The following PCDH15 variants were observed in gnomAD, a reference collection of about 807,000 sequenced individuals.
PCDH15 encodes protocadherin related 15, also known as protocadherin-15.
PCDH15 carries 129 observed loss-of-function variants against 178.5 expected under a neutral mutation model. The ratio of observed to expected loss-of-function variants is 0.72; its 90% CI spans 0.63 to 0.84. The LOEUF is 0.84. Among genes scored for constraint, PCDH15 ranks in the 40% least tolerant of loss-of-function variants. The pLI is 0.00. For missense variants in PCDH15, 2,230 were observed against 2,099.9 expected (o/e 1.06, Z -1.21); for synonymous variants, 800 against 732.0 (o/e 1.09, Z -1.50).
intron 6 of PCDH15, 39 bp from the exon 7 acceptor site, chr10:54,329,745 T>C (rs750748018): frequency 7.8e-7 from 1 of 1,283,864 alleles, no homozygotes; most frequent in African/African-American, 1.5e-5. Context: ...ATTATTTGAA[T>C]GTAAGATGAA....
chr10:54,271,208 T>TTTTG (rs151089406), intron 8 of PCDH15, among the ~76,000 whole-genome samples: 8,465 of 151,990 alleles, frequency 0.056, 426 homozygotes, highest in African/African-American at 0.13. Context: ...TGTTCTTACA[T>TTTTG]TTTGTTTGTT....
chr10:55,177,569 G>A (rs1352722962), intron 1 of PCDH15, among the ~76,000 whole-genome samples: 1 of 152,202 alleles, frequency 6.6e-6, no homozygotes, highest in African/African-American at 2.4e-5. Flanking sequence ...AGGCTACTAA[G>A]TTAACGATGG....
chr10:53,903,704 T>A (rs967266438), intron 25 of PCDH15, among the ~76,000 whole-genome samples: 2 of 152,188 alleles, frequency 1.3e-5, no homozygotes, highest in African/African-American at 4.8e-5. Context: ...CAATACCAGT[T>A]ATACCAAAGG....
intron 1 of PCDH15, among the ~76,000 whole-genome samples, chr10:55,299,514 C>T (rs1843216614): frequency 6.6e-6 from 1 of 152,176 alleles, no homozygotes; most frequent in African/African-American, 2.4e-5. Flanking sequence ...CCCTAATATG[C>T]ACATAATTCG....
chr10:54,143,833 T>C (rs1304242267), intron 14 of PCDH15, among the ~76,000 whole-genome samples: 2 of 152,176 alleles, frequency 1.3e-5, no homozygotes, highest in Non-Finnish European at 2.9e-5. Context: ...TCTTAATTCA[T>C]GTGTGTTAGT....
intron 2 of PCDH15, among the ~76,000 whole-genome samples, chr10:55,028,519 G>A (rs147954101): frequency 4.6e-5 from 7 of 151,928 alleles, no homozygotes; most frequent in East Asian, 3.9e-4. Flanking sequence ...ATAACATATC[G>A]TGACTTTATA....
At chr10:54,836,418 C>T (rs1953317613) in intron 3 of PCDH15, among the ~76,000 whole-genome samples, 1 of 152,102 alleles carries the variant, frequency 6.6e-6, no homozygotes, top group African/African-American at 2.4e-5. Context: ...TGTACAGTCT[C>T]CACTGAGCAT....
intron 2 of PCDH15, among the ~76,000 whole-genome samples, chr10:55,363,008 G>C (rs2131980556): frequency 6.6e-6 from 1 of 152,256 alleles, no homozygotes; most frequent in Non-Finnish European, 1.5e-5. Context: ...TTACAAATTT[G>C]GGTTGGGCCA....
intron 18 of PCDH15, among the ~76,000 whole-genome samples, chr10:54,060,877 G>T (rs1590181311): frequency 1.3e-5 from 2 of 152,138 alleles, no homozygotes; most frequent in East Asian, 1.9e-4. Context: ...AGAAGTCCGG[G>T]ATCCCTGTGT....
chr10:53,988,842 G>C (rs987743568), intron 21 of PCDH15, among the ~76,000 whole-genome samples: 8 of 152,122 alleles, frequency 5.3e-5, no homozygotes, highest in African/African-American at 1.9e-4. Flanking sequence ...CCCGAAATAT[G>C]TGAATTATTG....
chr10:54,292,169 A>G (rs2059458528), intron 8 of PCDH15, among the ~76,000 whole-genome samples: 1 of 152,242 alleles, frequency 6.6e-6, no homozygotes, highest in South Asian at 2.1e-4. Flanking sequence ...GGTTCAACAT[A>G]CACAAATAAA....
At chr10:53,814,107 T>C (rs934762469) in intron 35 of PCDH15, among the ~76,000 whole-genome samples, 9 of 152,152 alleles carry the variant, frequency 5.9e-5, no homozygotes, top group African/African-American at 1.9e-4. Context: ...GGAGGTAAGC[T>C]AAGAATTTTA....
chr10:55,007,629 A>G (rs1005468868), intron 2 of PCDH15, among the ~76,000 whole-genome samples: 2 of 152,116 alleles, frequency 1.3e-5, no homozygotes, highest in Non-Finnish European at 2.9e-5. Flanking sequence ...GTTCCTTTAC[A>G]TGTAAAACTC....
intron 2 of PCDH15, among the ~76,000 whole-genome samples, chr10:55,369,436 T>C (rs1408491023): frequency 6.6e-6 from 1 of 151,972 alleles, no homozygotes; most frequent in African/African-American, 2.4e-5. Context: ...TATTAATAAG[T>C]ATAAAAACAA....
chr10:55,405,283 G>GAGATATATATATATATATAT lies in PCDH15; in HGVS notation c.-156+222341_-156+222342insATATATATATATATATATCT, dbSNP rs1838169475. ...TGTGTATATGTAGTGTGAGGTAACA[G>GAGATATATATATATATATAT]ATATATATATATATATATATACAAT... On this transcript the variant is annotated intron_variant, in intron 2 of 5. Coordinates refer to the PCDH15 transcript ENST00000613346. 9.3e-5 allele frequency among the ~76,000 whole-genome samples: 10 copies of GAGATATATATATATATATAT among 108,092 alleles called. No homozygotes were observed. In the South Asian group the frequency reaches 2.9e-3, roughly 32 times the overall value. The allele number at this position is 108,092 out of a possible 152,430, so 70.9% of individuals were successfully genotyped here.
intron 3 of PCDH15, among the ~76,000 whole-genome samples, chr10:54,390,157 A>G (rs1404573177): frequency 6.6e-6 from 1 of 152,200 alleles, no homozygotes; most frequent in African/African-American, 2.4e-5. Context: ...TTCAGGGTGA[A>G]TGCATTCATG....
chr10:54,872,561 G>A lies in PCDH15; in HGVS notation c.-29+24889C>T, dbSNP rs997683816. 5.3e-5 allele frequency among the ~76,000 whole-genome samples: 8 copies of A among 152,106 alleles called. No individual in the cohort carries two copies. In the East Asian group the frequency reaches 5.8e-4, roughly 11 times the overall value. On this transcript the variant is annotated intron_variant, in intron 3 of 5. Coordinates refer to the PCDH15 transcript ENST00000458638. Reference sequence around the variant, plus strand: ...TATTTGCTCAGGATTATTTCTGACCGATAGTGATGCTTTGACTCATCATTG... The same window carrying A: ...TATTTGCTCAGGATTATTTCTGACCAATAGTGATGCTTTGACTCATCATTG...
chr10:54,863,422 G>A (rs2131783729), intron 3 of PCDH15, among the ~76,000 whole-genome samples: 1 of 152,154 alleles, frequency 6.6e-6, no homozygotes, highest in East Asian at 1.9e-4. Flanking sequence ...GGTCCCTGTA[G>A]TCCCATCTAC....
intron 2 of PCDH15, among the ~76,000 whole-genome samples, chr10:55,379,138 TATTA>T (rs1174812371): frequency 6.6e-6 from 1 of 151,286 alleles, no homozygotes; most frequent in African/African-American, 2.5e-5. Flanking sequence ...GTATGGCGCC[TATTA>T]ATTTTTTTTG....
Sources: gnomAD v4.1 joint callset for allele counts (sites outside exome capture counted in the v4.1 genomes callset) on GRCh38, gnomAD v4.1.1 for gene constraint, MANE v1.5 for transcripts, NCBI Gene and HGNC (gene_info 2026-07-23, HGNC 2026-07-21) for gene names.